Variants in C4orf46 observed in about 807,000 individuals in gnomAD.
The protein encoded by C4orf46 is chromosome 4 open reading frame 46.
C4orf46 carries 8 observed loss-of-function variants against 9.1 expected under a neutral mutation model. The ratio of observed to expected loss-of-function variants is 0.88; its 90% CI spans 0.52 to 1.59. The LOEUF (loss-of-function observed/expected upper bound fraction) is 1.59, where lower values mean the gene tolerates loss of function less well. Ranked by LOEUF, C4orf46 falls within the 40% of genes most tolerant of loss-of-function variation. C4orf46 has a pLI of 0.00. For synonymous variants in C4orf46, 51 were observed against 58.8 expected (o/e 0.87, Z 0.61); for missense variants, 151 against 139.1 (o/e 1.09, Z -0.43).
rs763275199 is a variant in C4orf46, at chr4:158,669,607, G to A, written c.*6C>T. On this transcript the variant is annotated 3_prime_UTR_variant, in exon 2 of 2. Transcript: ENST00000379205. Reference sequence around the variant, plus strand: ...CAGTCATTATTAAACAACGAAGTATGCCAAATCAGTCATCAGGTTTCAAAG... The same window carrying A: ...CAGTCATTATTAAACAACGAAGTATACCAAATCAGTCATCAGGTTTCAAAG... 6.2e-7 allele frequency: 1 copy of A among 1,611,554 alleles called. No individual in the cohort carries two copies. The highest frequency in any genetic ancestry group is 1.3e-5 in the African/African-American group (1 of 74,950).
rs1773561577 is a variant in C4orf46, at chr4:158,671,771, A to G, written c.31T>C (p.Ser11Pro). Residue 11 changes from serine (S) to proline (P), a missense_variant, in exon 1 of 2, where the codon TCG becomes CCG. Coordinates refer to ENST00000379205, the MANE Select transcript of C4orf46 (RefSeq NM_001008393.4). ...GAAGAGGGAGGCGGCGGGGGCGGCG[A>G]AGAAACCTGCAACTCCTCAGGGTCG... MADPEELQVS[S>P]PPPPPPSSPS... 6.4e-7 allele frequency: 1 copy of G among 1,554,884 alleles called. No individual in the cohort carries two copies. The highest frequency in any genetic ancestry group is 1.4e-5 in the African/African-American group (1 of 73,218).
chr4:158,671,448 A>G (rs1459058322), intron 1 of C4orf46, among the ~76,000 whole-genome samples, 168 bp downstream of exon 1: 2 of 152,162 alleles, frequency 1.3e-5, no homozygotes, highest in Non-Finnish European at 2.9e-5. Flanking sequence ...GTGGCACTTT[A>G]GCTGCTGGCA....
rs891414611 is a variant in C4orf46 at position 158,669,103 on chromosome 4, A to G, written c.*510T>C. On this transcript the variant is annotated 3_prime_UTR_variant, in exon 2 of 2. Coordinates refer to ENST00000379205, the MANE Select transcript of C4orf46 (RefSeq NM_001008393.4). ...TTGTTAACTCTTTTATTCAACAAACATTTAGTGAATGTTGTGTGACCCTGT... is the reference window on the plus strand; with the variant it reads ...TTGTTAACTCTTTTATTCAACAAACGTTTAGTGAATGTTGTGTGACCCTGT... 5.9e-5 allele frequency: 9 copies of G among 152,276 alleles called. No homozygotes were observed. The highest frequency in any genetic ancestry group is 1.9e-4 in the African/African-American group (8 of 41,456). 9.4% of individuals were successfully genotyped at this position (152,276 alleles called of 1,614,324 possible). A position where few individuals can be genotyped will look rare whatever the true frequency, so the allele number is the denominator to read the frequency against.
At position 158,671,840 on chromosome 4, in the gene C4orf46, C is replaced by A. The variant is rs1244311701; in HGVS notation, c.-39G>T. 3 of 1,428,792 alleles carry A rather than the reference C, an allele frequency of 2.1e-6. No homozygotes were observed. The highest frequency in any genetic ancestry group is 1.4e-5 in the South Asian group (1 of 70,018). 88.5% of individuals were successfully genotyped at this position (1,428,792 alleles called of 1,614,324 possible). On this transcript the variant is annotated 5_prime_UTR_variant, in exon 1 of 2. Transcript: ENST00000379205. ...GACCGCGGAATCCGACCCGAGAAGC[C>A]GAACCGACACCAACTGTCTTTTAAC...
upstream of C4orf46, chr4:158,671,991 A>C (rs1773574912): frequency 3.5e-6 from 2 of 569,294 alleles, no homozygotes; most frequent in Non-Finnish European, 6.2e-6. Context: ...ATATGAGTCA[A>C]TTCACCTTAG....
Position 158,667,579 on chromosome 4 carries a change from A to C in C4orf46, c.*2034T>G, listed in dbSNP as rs3210749. The C allele has an allele frequency of 0.4, 61,121 of 151,984 alleles. 15,249 individuals carry two copies. The highest frequency in any genetic ancestry group is 0.83 in the East Asian group (4,288 of 5,170). 9.4% of individuals were successfully genotyped at this position (151,984 alleles called of 1,614,324 possible). ...AGAAAAATGAGCAAAAATGCCTGTA[A>C]TCCCAGTGCTTTATAGGAGGAGGCG... is the stretch of plus-strand genomic sequence containing the variant. On this transcript the variant is annotated 3_prime_UTR_variant, in exon 2 of 2. Coordinates refer to ENST00000379205, the MANE Select transcript of C4orf46 (RefSeq NM_001008393.4).
At position 158,669,589 on chromosome 4, in the gene C4orf46, T is replaced by C; in HGVS notation, c.*24A>G. On this transcript the variant is annotated 3_prime_UTR_variant, in exon 2 of 2. Transcript: ENST00000379205. ...AAGAAGTATGAATTATTGCAGTCAT[T>C]ATTAAACAACGAAGTATGCCAAATC... is the stretch of plus-strand genomic sequence containing the variant. 1.9e-6 allele frequency: 3 copies of C among 1,610,054 alleles called. No homozygotes were observed. The highest frequency in any genetic ancestry group is 2.5e-6 in the Non-Finnish European group (3 of 1,178,100).
At position 158,671,762 on chromosome 4, in the gene C4orf46, G is replaced by C; in HGVS notation, c.40C>G (p.Pro14Ala). The C allele has an allele frequency of 6.4e-7, 1 of 1,562,134 alleles. No individual in the cohort carries two copies. Among genetic ancestry groups the C allele is most frequent in the Non-Finnish European group, 8.7e-7 (1 of 1,153,566 alleles). ...GAGGAGGGAGAAGAGGGAGGCGGCG[G>C]GGGCGGCGAAGAAACCTGCAACTCC... ...PEELQVSSPP[P>A]PPPSSPSSSD... Residue 14 changes from proline (P) to alanine (A), a missense_variant, in exon 1 of 2, where the codon CCG becomes GCG. By Grantham distance (27) the Pro-to-Ala change is conservative (BLOSUM62 -1). Coordinates refer to ENST00000379205, the MANE Select transcript of C4orf46 (RefSeq NM_001008393.4).
Position 158,668,790 on chromosome 4 carries a change from C to A in C4orf46, c.*823G>T, listed in dbSNP as rs1021536844. On this transcript the variant is annotated 3_prime_UTR_variant, in exon 2 of 2. Transcript: ENST00000379205. ...ATCAAACATATACAAATATCAAATA[C>A]AAACACTGTTAAACTGCAAAAGCAG... 6 of 152,008 alleles carry A rather than the reference C, an allele frequency of 3.9e-5. No homozygotes were observed. The highest frequency in any genetic ancestry group is 1.4e-4 in the African/African-American group (6 of 41,392). The allele number at this position is 152,008 out of a possible 1,614,324, so 9.4% of individuals were successfully genotyped here. A position where few individuals can be genotyped will look rare whatever the true frequency, so the allele number is the denominator to read the frequency against.
rs1040800808 is a variant in C4orf46, at chr4:158,667,560, A to G, written c.*2053T>C. On this transcript the variant is annotated 3_prime_UTR_variant, in exon 2 of 2. Coordinates refer to ENST00000379205, the MANE Select transcript of C4orf46 (RefSeq NM_001008393.4). The stretch of plus-strand genomic sequence containing the variant: ...CAAGTAAAAAAAACAACATAGAAAA[A>G]TGAGCAAAAATGCCTGTAATCCCAG... The G allele has an allele frequency of 1.3e-5, 2 of 152,192 alleles. No individual in the cohort carries two copies. Among genetic ancestry groups the G allele is most frequent in the African/African-American group, 4.8e-5 (2 of 41,438 alleles). The allele number at this position is 152,192 out of a possible 1,614,324, so 9.4% of individuals were successfully genotyped here.
rs749072588 is a variant in C4orf46 at position 158,669,770 on chromosome 4, TAAA to T, written c.187-5_187-3del. Reference sequence around the variant, plus strand: ...AAGTTTGGTTAATGAAAAGGCTGCCTAAAAAAAAAAAGTCAAACATAATTTTAT... The same window carrying T: ...AAGTTTGGTTAATGAAAAGGCTGCCTAAAAAAAAGTCAAACATAATTTTAT... On this transcript the variant is annotated splice_region_variant and splice_polypyrimidine_tract_variant and intron_variant, in intron 1 of 1. Transcript: ENST00000379205. The T allele has an allele frequency of 2.5e-6, 3 of 1,220,312 alleles. No homozygotes were observed. The highest frequency in any genetic ancestry group is 2.2e-6 in the Non-Finnish European group (2 of 896,248). 75.6% of individuals were successfully genotyped at this position (1,220,312 alleles called of 1,614,324 possible).
Position 158,671,808 on chromosome 4 carries a change from G to C in C4orf46, c.-7C>G. The stretch of plus-strand genomic sequence containing the variant: ...ACTCCTCAGGGTCGGCCATGGGGAA[G>C]GGTTGGGACCGCGGAATCCGACCCG... On this transcript the variant is annotated 5_prime_UTR_variant, in exon 1 of 2. Coordinates refer to ENST00000379205, the MANE Select transcript of C4orf46 (RefSeq NM_001008393.4). 1.3e-6 allele frequency: 2 copies of C among 1,504,454 alleles called. No individual in the cohort carries two copies. Among genetic ancestry groups the C allele is most frequent in the South Asian group, 2.5e-5 (2 of 79,730 alleles). The allele number at this position is 1,504,454 out of a possible 1,614,324, so 93.2% of individuals were successfully genotyped here.
chr4:158,670,747 C>A (rs965854223), intron 1 of C4orf46, among the ~76,000 whole-genome samples: 1 of 152,140 alleles, frequency 6.6e-6, no homozygotes, highest in Non-Finnish European at 1.5e-5. Context: ...AAAATACTTG[C>A]GGAGCAATGA....
chr4:158,671,501 C>T, intron 1 of C4orf46, 115 bp downstream of exon 1: 1 of 1,115,732 alleles, frequency 9.0e-7, no homozygotes, highest in Non-Finnish European at 1.2e-6. Context: ...CGCAGAAGGG[C>T]CGGTCGTCCC....
rs1023327651 is a variant in C4orf46, at chr4:158,669,071, A to G, written c.*542T>C. On this transcript the variant is annotated 3_prime_UTR_variant, in exon 2 of 2. Transcript: ENST00000379205. Reference sequence around the variant, plus strand: ...AATATAGGAAGAAAAAAAGCTTTCAATTATGTTTGTTAACTCTTTTATTCA... The same window carrying G: ...AATATAGGAAGAAAAAAAGCTTTCAGTTATGTTTGTTAACTCTTTTATTCA... 2.6e-5 allele frequency: 4 copies of G among 152,266 alleles called. No individual in the cohort carries two copies. Among genetic ancestry groups the G allele is most frequent in the African/African-American group, 9.6e-5 (4 of 41,466 alleles). The allele number at this position is 152,266 out of a possible 1,614,324, so 9.4% of individuals were successfully genotyped here.
chr4:158,670,509 GA>G (rs997552742), intron 1 of C4orf46, among the ~76,000 whole-genome samples: 21 of 152,244 alleles, frequency 1.4e-4, no homozygotes, highest in Admixed American at 6.5e-4. Context: ...TCAAAGAACA[GA>G]AACTCTGAGC....
In C4orf46 at chr4:158,666,684, GA is replaced by G. The variant is rs1251600786; in HGVS notation, c.*2928del. 1.3e-5 allele frequency: 2 copies of G among 152,058 alleles called. No individual in the cohort carries two copies. Among genetic ancestry groups the G allele is most frequent in the South Asian group, 2.1e-4 (1 of 4,834 alleles). 9.4% of individuals were successfully genotyped at this position (152,058 alleles called of 1,614,324 possible). The stretch of plus-strand genomic sequence containing the variant: ...TATAACAAAAGACAGATTAACAAGA[GA>G]AAAACAAGTAATTTTATTAATATAT... On this transcript the variant is annotated 3_prime_UTR_variant, in exon 2 of 2. Transcript: ENST00000379205.
upstream of C4orf46, chr4:158,671,902 C>G (rs980633272): frequency 5.1e-6 from 5 of 979,682 alleles, no homozygotes; most frequent in African/African-American, 8.4e-5. Flanking sequence ...CGCCTCCTAA[C>G]GCCAGAAATC....
intron 1 of C4orf46, among the ~76,000 whole-genome samples, chr4:158,671,375 G>A (rs565231734): frequency 6.6e-6 from 1 of 152,358 alleles, no homozygotes; most frequent in African/African-American, 2.4e-5. Context: ...GGTGGGGCGG[G>A]TGGAAGGAAA....
Sources: gnomAD v4.1 joint callset for allele counts (sites outside exome capture counted in the v4.1 genomes callset) on GRCh38, gnomAD v4.1.1 for gene constraint, MANE v1.5 for transcripts, NCBI Gene and HGNC (gene_info 2026-07-23, HGNC 2026-07-21) for gene names.